The following ADAMTS12 variants were observed in gnomAD, a reference collection of about 807,000 sequenced individuals.
ADAMTS12 encodes ADAM metallopeptidase with thrombospondin type 1 motif 12, also known as A disintegrin and metalloproteinase with thrombospondin motifs 12.
In ADAMTS12, 118 loss-of-function variants were observed where a neutral mutation model predicts 167.8. That is an observed-to-expected ratio of 0.70 (90% CI 0.61 to 0.82). The LOEUF (loss-of-function observed/expected upper bound fraction) is 0.82. Among genes scored for constraint, ADAMTS12 ranks in the 40% least tolerant of loss-of-function variants. The pLI is 0.00. For missense variants in ADAMTS12, 1,916 were observed against 1,998.8 expected (o/e 0.96, Z 0.79); for synonymous variants, 704 against 716.9 (o/e 0.98, Z 0.29).
chr5:33,772,368 C>T (rs1745770425), intron 2 of ADAMTS12, among the ~76,000 whole-genome samples: 1 of 152,166 alleles, frequency 6.6e-6, no homozygotes, highest in African/African-American at 2.4e-5. Context: ...ACCTTCAACC[C>T]ATCTCACAGT....
rs147887272 is a variant in ADAMTS12, at chr5:33,751,315, AC to A, written c.634+88del. On this transcript the variant is annotated intron_variant, in intron 3 of 23. Coordinates refer to ENST00000504830, the MANE Select transcript of ADAMTS12 (RefSeq NM_030955.4). ...AAAAAGAATACAGAGGAGATAAGAG[AC>A]TTGAGTAAGAATAGGTCATGTTTTA... 3.0e-3 allele frequency: 4,652 copies of A among 1,534,154 alleles called. 140 individuals are homozygous for A. The African/African-American group carries it at 0.057, about 19-fold the overall frequency.
chr5:33,711,249 C>G (rs1222617187), intron 3 of ADAMTS12, among the ~76,000 whole-genome samples: 3 of 152,124 alleles, frequency 2.0e-5, no homozygotes. Context: ...ATCCCCACCT[C>G]CCCATCCAAA....
chr5:33,842,473 G>C (rs978920386), intron 2 of ADAMTS12, among the ~76,000 whole-genome samples: 3 of 152,192 alleles, frequency 2.0e-5, no homozygotes, highest in African/African-American at 7.2e-5. Context: ...GTTCACAAAA[G>C]TCTAAGTCCT....
At chr5:33,757,761 C>T (rs1452770107) in intron 2 of ADAMTS12, among the ~76,000 whole-genome samples, 3 of 152,114 alleles carry the variant, frequency 2.0e-5, no homozygotes, top group Admixed American at 6.5e-5. Flanking sequence ...ACATTGAGCC[C>T]CAGTTGTCTC....
At chr5:33,712,630 AT>A (rs1490781412) in intron 3 of ADAMTS12, among the ~76,000 whole-genome samples, 13 of 144,184 alleles carry the variant, frequency 9.0e-5, no homozygotes, top group African/African-American at 2.9e-4. Flanking sequence ...AAGGTAAAAG[AT>A]AGAGACAAGG....
chr5:33,680,981 C>T (rs929478262), intron 5 of ADAMTS12, among the ~76,000 whole-genome samples: 2 of 152,176 alleles, frequency 1.3e-5, no homozygotes, highest in Non-Finnish European at 2.9e-5. Context: ...TTCTACATGT[C>T]AACATCTAAC....
chr5:33,841,526 C>T (rs1748744774), intron 2 of ADAMTS12, among the ~76,000 whole-genome samples: 1 of 152,186 alleles, frequency 6.6e-6, no homozygotes, highest in South Asian at 2.1e-4. Context: ...AATAGGGTGG[C>T]CTACATTTGG....
intron 2 of ADAMTS12, among the ~76,000 whole-genome samples, chr5:33,781,937 C>A (rs540405750): frequency 1.3e-5 from 2 of 150,846 alleles, no homozygotes; most frequent in South Asian, 4.2e-4. Flanking sequence ...TGAGAACATG[C>A]GGTGTTTGGT....
intron 3 of ADAMTS12, 123 bp downstream of exon 3, chr5:33,751,281 T>C (rs1417852396): frequency 7.9e-6 from 9 of 1,139,234 alleles, no homozygotes; most frequent in Admixed American, 5.5e-5. Flanking sequence ...GTCATGAAGA[T>C]ATTAAAAAAA....
Position 33,535,000 on chromosome 5 carries a change from A to AGAAGGTGAAC in ADAMTS12, c.4447-18_4447-9dup. On this transcript the variant is annotated splice_polypyrimidine_tract_variant and intron_variant, in intron 22 of 23. Transcript: ENST00000504830. ...TCCACAGGAAGTGGAACACTGAAAG[A>AGAAGGTGAAC]GAAGGTGAACAGAGAGTCAGAAGTC... is the stretch of plus-strand genomic sequence containing the variant. 6.3e-7 allele frequency: 1 copy of AGAAGGTGAAC among 1,597,952 alleles called. No individual in the cohort carries two copies. Among genetic ancestry groups the AGAAGGTGAAC allele is most frequent in the Non-Finnish European group, 8.5e-7 (1 of 1,174,484 alleles).
chr5:33,537,877 C>T (rs541767047), intron 22 of ADAMTS12, among the ~76,000 whole-genome samples: 17 of 152,298 alleles, frequency 1.1e-4, no homozygotes, highest in Non-Finnish European at 2.2e-4. Context: ...ATACTGCATT[C>T]CCGTGTGTGT....
intron 20 of ADAMTS12, among the ~76,000 whole-genome samples, chr5:33,557,652 G>A (rs1745544999): frequency 6.6e-6 from 1 of 152,038 alleles, no homozygotes; most frequent in Non-Finnish European, 1.5e-5. Flanking sequence ...ATTAGAAAAA[G>A]GGGTCTCAAT....
chr5:33,789,883 A>C (rs1333757590), intron 2 of ADAMTS12, among the ~76,000 whole-genome samples: 1 of 152,156 alleles, frequency 6.6e-6, no homozygotes, highest in Non-Finnish European at 1.5e-5. Context: ...TCATGGATTT[A>C]CTTTGCCTAA....
Position 33,649,688 on chromosome 5 carries a change from G to A in ADAMTS12, c.1200C>T (p.Ile400=). Residue 400 remains isoleucine (I), a synonymous_variant, in exon 8 of 24, where the codon ATC becomes ATT. Transcript: ENST00000504830. ...AGTCATTTTCTTTCCCATCATGCTG[G>A]ATGCCGAAGCTGGCAGGGAAGAACC... The part of the protein sequence containing the change: ...IAHELGHSFG[I]QHDGKENDCE... The A allele has an allele frequency of 6.2e-7, 1 of 1,613,752 alleles. No homozygotes were observed. Among genetic ancestry groups the A allele is most frequent in the Middle Eastern group, 1.7e-4 (1 of 6,058 alleles).
intron 2 of ADAMTS12, among the ~76,000 whole-genome samples, chr5:33,830,459 C>T (rs1042838796): frequency 1.3e-5 from 2 of 152,204 alleles, no homozygotes; most frequent in East Asian, 3.9e-4. Context: ...TGTCTGGGGA[C>T]GAGAGGTCCT....
chr5:33,867,533 T>G (rs774605307), intron 2 of ADAMTS12, among the ~76,000 whole-genome samples: 1 of 152,066 alleles, frequency 6.6e-6, no homozygotes, highest in Non-Finnish European at 1.5e-5. Flanking sequence ...GGGTGATGCG[T>G]GCACTAAAAT....
chr5:33,663,790 A>ATT (rs1341582955), intron 5 of ADAMTS12, among the ~76,000 whole-genome samples: 6 of 152,064 alleles, frequency 3.9e-5, no homozygotes, highest in Non-Finnish European at 8.8e-5. Flanking sequence ...ATGATCAGAT[A>ATT]TTTTTCTGGT....
In ADAMTS12 at chr5:33,683,011, ATGTTACC is replaced by A; in HGVS notation, c.915_915+6del. 6.2e-7 allele frequency: 1 copy of A among 1,611,766 alleles called. No homozygotes were observed. Among genetic ancestry groups the A allele is most frequent in the Non-Finnish European group, 8.5e-7 (1 of 1,178,844 alleles). ...TATAGCAGAAGAGTGAAGGGAAAAAATGTTACCTCTTCTTCTTCGAGTAGAATGAGCC... is the reference window on the plus strand; with the variant it reads ...TATAGCAGAAGAGTGAAGGGAAAAAATCTTCTTCTTCGAGTAGAATGAGCC... On this transcript the variant is annotated splice_donor_variant and splice_donor_5th_base_variant and coding_sequence_variant and intron_variant, in exon 5 of 24. Transcript: ENST00000504830. LOFTEE classifies it high-confidence loss of function.
chr5:33,588,879 A>G (rs1747498311), intron 17 of ADAMTS12, 70 bp from the exon 18 acceptor site: 2 of 1,558,310 alleles, frequency 1.3e-6, no homozygotes, highest in South Asian at 2.3e-5. Context: ...ACCACTGAGA[A>G]AGCAGGGGCA....
Sources: allele counts gnomAD v4.1 joint callset (sites outside exome capture counted in the v4.1 genomes callset), GRCh38; gene constraint gnomAD v4.1.1; transcripts MANE v1.5; gene names NCBI Gene and HGNC (gene_info 2026-07-23, HGNC 2026-07-21).